Variants in DMD observed in about 807,000 individuals in gnomAD.
DMD encodes mutant dystrophin.
Under a neutral mutation model 330.1 loss-of-function variants are expected in DMD, and 63 were observed. The observed-to-expected ratio is 0.19, with a 90% CI of 0.16 to 0.24. The LOEUF is 0.24. DMD is among the 10% of genes least tolerant of loss of function. The pLI, the probability that DMD is intolerant of heterozygous loss-of-function variation, is 1.00. For synonymous variants in DMD, 1,223 were observed against 959.8 expected, an observed-to-expected ratio of 1.27 and a Z score of -5.07; for missense variants, 3,344 against 2,684.1, an observed-to-expected ratio of 1.25 and a Z score of -5.43.
chrX:32,819,957 T>C (rs2078093405), intron 5 of DMD, among the ~76,000 whole-genome samples: 3 of 110,199 alleles, frequency 2.7e-5, no homozygotes, highest in South Asian at 7.6e-4. Context: ...AACAGGGCAG[T>C]GTGATATAAG....
chrX:32,536,071 C>A (rs1023075082), intron 17 of DMD, among the ~76,000 whole-genome samples: 4 of 110,261 alleles, frequency 3.6e-5, no homozygotes, highest in African/African-American at 1.3e-4. Flanking sequence ...TCAAGCCCAT[C>A]CTAGCCAACA....
At chrX:32,793,437 T>C (rs1038855268) in intron 7 of DMD, among the ~76,000 whole-genome samples, 2 of 109,606 alleles carry the variant, frequency 1.8e-5, no homozygotes, top group African/African-American at 6.6e-5. Flanking sequence ...ATCCTAAAAA[T>C]TGAGCAAAAC....
chrX:32,336,450 C>T (rs954363752), intron 41 of DMD, among the ~76,000 whole-genome samples: 1 of 112,023 alleles, frequency 8.9e-6, no homozygotes, highest in African/African-American at 3.2e-5. Context: ...ATTACAATTA[C>T]TCTGCTGTAG....
At chrX:31,638,457 C>T (rs964560262) in intron 54 of DMD, among the ~76,000 whole-genome samples, 1 of 112,225 alleles carries the variant, frequency 8.9e-6, no homozygotes, top group African/African-American at 3.2e-5. Context: ...CACCACCTGA[C>T]ACTGGTCTAT....
At position 31,929,655 on chromosome X, in the gene DMD, G is replaced by A; in HGVS notation, c.6853C>T (p.Pro2285Ser). 1 of 1,210,637 alleles carries A rather than the reference G, an allele frequency of 8.3e-7. No individual in the cohort carries two copies. The highest frequency in any genetic ancestry group is 1.1e-6 in the Non-Finnish European group (1 of 895,069). ...GPVLVSAPISPEEQDKLENKL... is the reference protein window; with the variant it reads ...GPVLVSAPISSEEQDKLENKL... ...TTTTCAAGTTTATCTTGCTCTTCTG[G>A]GCTTATGGGAGCACTTACAAGCACG... Residue 2285 changes from proline (P) to serine (S), a missense_variant, in exon 47 of 79, where the codon CCA becomes TCA. Transcript: ENST00000357033.
At chrX:32,014,404 G>C (rs1440876034) in intron 44 of DMD, among the ~76,000 whole-genome samples, 1 of 111,192 alleles carries the variant, frequency 9.0e-6, no homozygotes, top group East Asian at 2.8e-4. Flanking sequence ...ACATATCCAG[G>C]AATCCAAGCA....
chrX:31,750,661 G>T (rs939393729), intron 51 of DMD, among the ~76,000 whole-genome samples: 1 of 110,437 alleles, frequency 9.1e-6, no homozygotes, highest in South Asian at 3.9e-4. Context: ...TCAGGCAGGA[G>T]AAGGAAATAA....
chrX:32,450,700 T>A (rs1475880678), intron 26 of DMD, among the ~76,000 whole-genome samples: 1 of 110,846 alleles, frequency 9.0e-6, no homozygotes, highest in Non-Finnish European at 1.9e-5. Flanking sequence ...TAGTTTCTGT[T>A]AAGCGGGTCT....
chrX:31,138,479 T>C (rs2035539653), intron 76 of DMD, among the ~76,000 whole-genome samples: 1 of 110,407 alleles, frequency 9.1e-6, no homozygotes, highest in Non-Finnish European at 1.9e-5. Flanking sequence ...AGATACTACC[T>C]GAGACTGGGT....
At chrX:31,887,563 A>G (rs904169578) in intron 47 of DMD, among the ~76,000 whole-genome samples, 3 of 111,912 alleles carry the variant, frequency 2.7e-5, no homozygotes, top group Non-Finnish European at 5.6e-5. Context: ...TTATCGACAC[A>G]TATAAAACTC....
At chrX:32,734,614 A>G (rs368065504) in intron 7 of DMD, among the ~76,000 whole-genome samples, 19 of 105,237 alleles carry the variant, frequency 1.8e-4, no homozygotes, top group East Asian at 9.0e-4. Context: ...TTCAATATAC[A>G]CAAATCAATA....
At chrX:31,509,141 C>T (rs901313666) in intron 55 of DMD, among the ~76,000 whole-genome samples, 1 of 111,336 alleles carries the variant, frequency 9.0e-6, no homozygotes, top group Non-Finnish European at 1.9e-5. Flanking sequence ...CAGGTTTGTA[C>T]TGGAAGGATA....
At chrX:32,620,610 A>C (rs1198515284) in intron 11 of DMD, among the ~76,000 whole-genome samples, 1 of 112,083 alleles carries the variant, frequency 8.9e-6, no homozygotes, top group East Asian at 2.8e-4. Context: ...GGAAGCAAAA[A>C]CTGAAAGTTG....
At chrX:32,285,182 T>A (rs1038622057) in intron 43 of DMD, among the ~76,000 whole-genome samples, 2 of 112,188 alleles carry the variant, frequency 1.8e-5, no homozygotes, top group Non-Finnish European at 3.8e-5. Flanking sequence ...AATCACTGGC[T>A]ATCCAAGAAA....
intron 57 of DMD, 76 bp downstream of exon 57, chrX:31,496,712 A>T (rs756414376): frequency 8.9e-7 from 1 of 1,125,857 alleles, no homozygotes; most frequent in South Asian, 1.9e-5. Context: ...AATTTCAAAC[A>T]AAATTAATTT....
chrX:32,550,322 A>G (rs1347054719), intron 16 of DMD, among the ~76,000 whole-genome samples: 1 of 112,218 alleles, frequency 8.9e-6, no homozygotes, highest in Admixed American at 9.5e-5. Flanking sequence ...ATAGAAATCA[A>G]TGTTAAGCAA....
At chrX:32,519,511 G>T (rs1189455590) in intron 17 of DMD, among the ~76,000 whole-genome samples, 1 of 111,103 alleles carries the variant, frequency 9.0e-6, no homozygotes, top group Non-Finnish European at 1.9e-5. Flanking sequence ...TACTTAAAGG[G>T]AACATATCAG....
intron 68 of DMD, among the ~76,000 whole-genome samples, chrX:31,181,589 A>C (rs2041162347): frequency 8.9e-6 from 1 of 111,876 alleles, no homozygotes; most frequent in South Asian, 3.8e-4. Context: ...CGGGAAGGAA[A>C]GAAGGTGACC....
intron 18 of DMD, among the ~76,000 whole-genome samples, chrX:32,504,663 T>C (rs2044432941): frequency 9.0e-6 from 1 of 111,410 alleles, no homozygotes; most frequent in Middle Eastern, 4.6e-3. Flanking sequence ...CATGAACATA[T>C]ATTTTTGTGG....
Sources: gnomAD v4.1 joint callset for allele counts (sites outside exome capture counted in the v4.1 genomes callset) on GRCh38, gnomAD v4.1.1 for gene constraint, MANE v1.5 for transcripts, NCBI Gene and HGNC (gene_info 2026-07-23, HGNC 2026-07-21) for gene names.